Variants in NGRN observed in about 807,000 individuals in gnomAD.
The protein encoded by NGRN is neugrin, neurite outgrowth associated.
A neutral mutation model predicts 13.1 loss-of-function variants in NGRN; 12 were observed. That is an observed-to-expected ratio of 0.92 (90% CI 0.59 to 1.49). The LOEUF (loss-of-function observed/expected upper bound fraction) is 1.49, where lower values mean the gene tolerates loss of function less well. Among genes scored for constraint, NGRN ranks in the 40% most tolerant of loss-of-function variants. The pLI, the probability that NGRN is intolerant of heterozygous loss-of-function variation, is 0.00. For synonymous variants in NGRN, 149 were observed against 145.8 expected, an observed-to-expected ratio of 1.02 and a Z score of -0.16; for missense variants, 397 against 357.0, an observed-to-expected ratio of 1.11 and a Z score of -0.90.
intron 1 of NGRN, 130 bp from the exon 2 acceptor site, chr15:90,266,158 C>T (rs954106012): frequency 1.8e-5 from 26 of 1,472,814 alleles, no homozygotes; most frequent in South Asian, 1.6e-4. Context: ...AGCTCTAAGC[C>T]GGCAACATGG....
chr15:90,270,470 A>C (rs1193477624), intron 2 of NGRN, among the ~76,000 whole-genome samples: 1 of 152,150 alleles, frequency 6.6e-6, no homozygotes, highest in East Asian at 1.9e-4. Flanking sequence ...GACTTCATGA[A>C]GCAATTCCTG....
At chr15:90,270,671 A>T (rs900849166) in intron 2 of NGRN, among the ~76,000 whole-genome samples, 21 of 152,160 alleles carry the variant, frequency 1.4e-4, no homozygotes, top group Admixed American at 9.8e-4. Context: ...CAGTGAGAGG[A>T]GCTGAGTTGA....
chr15:90,265,769 C>T lies in NGRN; in HGVS notation c.57C>T (p.Arg19=). 1 of 1,613,226 alleles carries T rather than the reference C, an allele frequency of 6.2e-7. No homozygotes were observed. Among genetic ancestry groups the T allele is most frequent in the South Asian group, 1.1e-5 (1 of 91,058 alleles). ...LGGRVCAAVT[R]CGFATRGVAG... ...GGCGCGTTTGCGCCGCCGTCACTCG[C>T]TGTGGGTTCGCGACCCGGGGGGTGG... The change falls in exon 1 of 3, where the codon CGC becomes CGT. Residue 19 remains arginine (R), a synonymous_variant. Transcript: ENST00000379095.
chr15:90,265,922 CCCCGGCG>C (rs1168823464), intron 1 of NGRN, 46 bp downstream of exon 1: 1 of 1,442,502 alleles, frequency 6.9e-7, no homozygotes, highest in Admixed American at 3.0e-5. Flanking sequence ...GGGCCTCGTG[CCCCGGCG>C]CTCCAGGCCG....
In NGRN at chr15:90,265,755, G is replaced by C; in HGVS notation, c.43G>C (p.Ala15Pro). ...LSLLLGGRVC[A>P]AVTRCGFATR... ...TCTCTTGCTGGGCGGGCGCGTTTGC[G>C]CCGCCGTCACTCGCTGTGGGTTCGC... Residue 15 changes from alanine (A) to proline (P), a missense_variant, in exon 1 of 3, where the codon GCC becomes CCC. Transcript: ENST00000379095. 1 of 1,613,020 alleles carries C rather than the reference G, an allele frequency of 6.2e-7. No individual in the cohort carries two copies. Among genetic ancestry groups the C allele is most frequent in the South Asian group, 1.1e-5 (1 of 91,054 alleles).
Position 90,271,861 on chromosome 15 carries a change from G to C in NGRN, c.*73G>C, listed in dbSNP as rs1275325069. On this transcript the variant is annotated 3_prime_UTR_variant, in exon 3 of 3. Transcript: ENST00000379095. ...GTATTAATGTATATGGAACAGCCTGGATTTCTGCATATGGATAAGCCACCT... is the reference window on the plus strand; with the variant it reads ...GTATTAATGTATATGGAACAGCCTGCATTTCTGCATATGGATAAGCCACCT... 9 of 1,557,766 alleles carry C rather than the reference G, an allele frequency of 5.8e-6. No individual in the cohort carries two copies. Among genetic ancestry groups the C allele is most frequent in the Non-Finnish European group, 7.8e-6 (9 of 1,150,872 alleles).
chr15:90,270,891 A>G (rs1963492158), intron 2 of NGRN, among the ~76,000 whole-genome samples: 1 of 152,080 alleles, frequency 6.6e-6, no homozygotes. Flanking sequence ...GCAGTGGTGC[A>G]GTGGTGCAAT....
chr15:90,267,058 G>T (rs1187662108), intron 2 of NGRN, among the ~76,000 whole-genome samples: 3 of 150,028 alleles, frequency 2.0e-5, no homozygotes, highest in African/African-American at 7.4e-5. Context: ...GTAGTTGGGG[G>T]TCTCACTCTG....
At position 90,271,478 on chromosome 15, in the gene NGRN, C is replaced by T. The variant is rs1963502932; in HGVS notation, c.566C>T (p.Thr189Ile). 2 of 1,613,994 alleles carry T rather than the reference C, an allele frequency of 1.2e-6. No homozygotes were observed. The highest frequency in any genetic ancestry group is 1.1e-5 in the South Asian group (1 of 91,080). The change falls in exon 3 of 3, where the codon ACA becomes ATA. Residue 189 changes from threonine to isoleucine, a missense_variant. Coordinates refer to ENST00000379095, the MANE Select transcript of NGRN (RefSeq NM_001033088.3). ...TCATCTAAAGACCCAAATCACAGCA[C>T]AGCTTTGAAAGTGATAGAGTCAGAC... ...EASSKDPNHS[T>I]ALKVIESDTH...
At chr15:90,269,616 G>A (rs1244417054) in intron 2 of NGRN, among the ~76,000 whole-genome samples, 1 of 152,058 alleles carries the variant, frequency 6.6e-6, no homozygotes, top group Non-Finnish European at 1.5e-5. Flanking sequence ...CCTGATGCTA[G>A]CCACTCAGTC....
rs1003409078 is a variant in NGRN at position 90,271,312 on chromosome 15, C to A, written c.400C>A (p.Leu134Met). ...SKFLPTLEQK[L>M]KQDQKVLKKA... ...GTTTTTACCCACATTGGAGCAGAAG[C>A]TGAAGCAGGATCAAAAAGTCCTTAA... The change falls in exon 3 of 3, where the codon CTG (leucine) becomes ATG (methionine). Residue 134 changes from leucine (L) to methionine (M), a missense_variant. Leu to Met is a conservative substitution (Grantham distance 15, BLOSUM62 2). Coordinates refer to ENST00000379095, the MANE Select transcript of NGRN (RefSeq NM_001033088.3). 1.2e-6 allele frequency: 2 copies of A among 1,613,990 alleles called. No homozygotes were observed. Among genetic ancestry groups the A allele is most frequent in the African/African-American group, 2.7e-5 (2 of 74,910 alleles).
rs1338973095 is a variant in NGRN at position 90,265,934 on chromosome 15, A to G, written c.164+58A>G. 40 of 1,432,910 alleles carry G rather than the reference A, an allele frequency of 2.8e-5. No homozygotes were observed. In the South Asian group the frequency reaches 3.3e-4, roughly 12 times the overall value. The allele number at this position is 1,432,910 out of a possible 1,614,324, so 88.8% of individuals were successfully genotyped here. ...GCAGGGCCTCGTGCCCCGGCGCTCC[A>G]GGCCGCGCCCCCTTGGCGCCGGGTG... On this transcript the variant is annotated intron_variant, in intron 1 of 2. Transcript: ENST00000379095.
At chr15:90,270,516 G>T (rs989713029) in intron 2 of NGRN, among the ~76,000 whole-genome samples, 1 of 152,014 alleles carries the variant, frequency 6.6e-6, no homozygotes, top group African/African-American at 2.4e-5. Context: ...CCTATATCTG[G>T]GTCTCCCTCC....
Position 90,271,578 on chromosome 15 carries a change from G to T in NGRN, c.666G>T (p.Val222=). ...TCCAGGACCTGGAGGAGAGCTTTGTGCCTGTTGCTGCACCCCTAGGTCATC... is the reference window on the plus strand; with the variant it reads ...TCCAGGACCTGGAGGAGAGCTTTGTTCCTGTTGCTGCACCCCTAGGTCATC... ...KEIQDLEESF[V]PVAAPLGHPR... The change falls in exon 3 of 3, where the codon GTG becomes GTT. Residue 222 remains valine, a synonymous_variant. Coordinates refer to ENST00000379095, the MANE Select transcript of NGRN (RefSeq NM_001033088.3). The T allele has an allele frequency of 1.2e-6, 2 of 1,614,172 alleles. No homozygotes were observed. Among genetic ancestry groups the T allele is most frequent in the Non-Finnish European group, 1.7e-6 (2 of 1,180,032 alleles).
Position 90,271,825 on chromosome 15 carries a change from C to T in NGRN, c.*37C>T. The T allele has an allele frequency of 1.2e-6, 2 of 1,604,220 alleles. No homozygotes were observed. Among genetic ancestry groups the T allele is most frequent in the Non-Finnish European group, 1.7e-6 (2 of 1,174,234 alleles). On this transcript the variant is annotated 3_prime_UTR_variant, in exon 3 of 3. Transcript: ENST00000379095. ...GCTTATGGAGATGCCTCGTGAAACACAGCTGGGCAAGTATTAATGTATATG... is the reference window on the plus strand; with the variant it reads ...GCTTATGGAGATGCCTCGTGAAACATAGCTGGGCAAGTATTAATGTATATG...
At chr15:90,265,919 G>A (rs1963408390) in intron 1 of NGRN, 43 bp downstream of exon 1, 9 of 1,445,750 alleles carry the variant, frequency 6.2e-6, no homozygotes, top group Non-Finnish European at 7.3e-6. Context: ...GCAGGGCCTC[G>A]TGCCCCGGCG....
Position 90,271,744 on chromosome 15 carries a change from C to T in NGRN, c.832C>T (p.Arg278Ter), listed in dbSNP as rs143395650. Residue 278 changes from arginine (R) to a stop codon, truncating the protein, a stop_gained, in exon 3 of 3, where the codon CGA becomes TGA. Transcript: ENST00000379095. LOFTEE classifies it high-confidence loss of function. Reference sequence around the variant, plus strand: ...CAGCAGCAAAGTAGTGCAGAGGGGCCGAGAGTTCTTTGACAGCAACGGGAA... The same window carrying T: ...CAGCAGCAAAGTAGTGCAGAGGGGCTGAGAGTTCTTTGACAGCAACGGGAA... The part of the protein sequence containing the change: ...NFSSKVVQRG[R>*]EFFDSNGNFL... 4.0e-5 allele frequency: 65 copies of T among 1,613,972 alleles called. No individual in the cohort carries two copies. The Middle Eastern group carries it at 6.6e-4, about 16-fold the overall frequency.
In NGRN at chr15:90,271,606, A is replaced by G. The variant is rs888515576; in HGVS notation, c.694A>G (p.Arg232Gly). 4 of 1,614,066 alleles carry G rather than the reference A, an allele frequency of 2.5e-6. No homozygotes were observed. The African/African-American group carries it at 4.0e-5, about 16-fold the overall frequency. The change falls in exon 3 of 3, where the codon AGA becomes GGA. Residue 232 changes from arginine to glycine, a missense_variant. Physicochemically the swap from Arg to Gly is moderately radical, Grantham distance 125. Transcript: ENST00000379095. ...TGTTGCTGCACCCCTAGGTCATCCA[A>G]GAGAGCTGCAGAAGTACTCCAGTGA... ...VPVAAPLGHPRELQKYSSDSE... is the reference protein window; with the variant it reads ...VPVAAPLGHPGELQKYSSDSE...
At position 90,271,633 on chromosome 15, in the gene NGRN, T is replaced by G. The variant is rs1376919716; in HGVS notation, c.721T>G (p.Ser241Ala). The change falls in exon 3 of 3, where the codon TCT becomes GCT. Residue 241 changes from serine (S) to alanine (A), a missense_variant. Coordinates refer to ENST00000379095, the MANE Select transcript of NGRN (RefSeq NM_001033088.3). ...PRELQKYSSD[S>A]ESPRGTGSGA... Reference sequence around the variant, plus strand: ...AGAGCTGCAGAAGTACTCCAGTGATTCTGAGAGCCCCAGAGGAACTGGCAG... The same window carrying G: ...AGAGCTGCAGAAGTACTCCAGTGATGCTGAGAGCCCCAGAGGAACTGGCAG... 20 of 1,614,198 alleles carry G rather than the reference T, an allele frequency of 1.2e-5. No homozygotes were observed. Among genetic ancestry groups the G allele is most frequent in the Non-Finnish European group, 1.7e-5 (20 of 1,180,044 alleles).
Sources: allele counts gnomAD v4.1 joint callset (sites outside exome capture counted in the v4.1 genomes callset), GRCh38; gene constraint gnomAD v4.1.1; transcripts MANE v1.5; gene names NCBI Gene and HGNC (gene_info 2026-07-23, HGNC 2026-07-21).